SUGCT: variants seen among roughly 807,000 people sequenced by gnomAD.
SUGCT encodes the protein succinyl-CoA:glutarate CoA-transferase.
A neutral mutation model predicts 55.0 loss-of-function variants in SUGCT; 41 were observed. The ratio of observed to expected loss-of-function variants is 0.74; its 90% CI spans 0.58 to 0.97. The LOEUF is 0.97. SUGCT is among the 50% of genes least tolerant of loss of function. The probability of loss-of-function intolerance (pLI) is 0.00; values close to 1 mark genes in which losing one functional copy is unlikely to be tolerated. For missense variants in SUGCT, 568 were observed against 547.8 expected (o/e 1.04, Z -0.37); for synonymous variants, 187 against 200.4 (o/e 0.93, Z 0.56).
At chr7:40,195,956 C>T (rs373784685) in intron 6 of SUGCT, among the ~76,000 whole-genome samples, 1 of 151,582 alleles carries the variant, frequency 6.6e-6, no homozygotes, top group African/African-American at 2.4e-5. Flanking sequence ...TCAAGTGATC[C>T]ACCCACCTTG....
the SUGCT span, among the ~76,000 whole-genome samples, chr7:40,923,060 C>T: frequency 4.6e-5 from 7 of 152,104 alleles, no homozygotes; most frequent in South Asian, 2.1e-4. Flanking sequence ...TCAAGGCCAG[C>T]GCTTTCAAGA....
At chr7:40,160,535 A>G (rs1784095014) in intron 1 of SUGCT, among the ~76,000 whole-genome samples, 1 of 152,122 alleles carries the variant, frequency 6.6e-6, no homozygotes, top group South Asian at 2.1e-4. Flanking sequence ...AGATGAAATG[A>G]TTTTTTTAAA....
chr7:40,868,754 C>T, the SUGCT span, among the ~76,000 whole-genome samples: 3,715 of 152,262 alleles, frequency 0.024, 70 homozygotes, highest in Middle Eastern at 0.051. Flanking sequence ...ACTATGTTGG[C>T]CAGGCCAGTC....
intron 9 of SUGCT, among the ~76,000 whole-genome samples, chr7:40,421,044 T>G (rs1787281597): frequency 6.6e-6 from 1 of 152,172 alleles, no homozygotes; most frequent in South Asian, 2.1e-4. Flanking sequence ...TTGTTCCTGT[T>G]CCCATCCTGT....
At chr7:40,440,126 T>A (rs1788423889) in intron 9 of SUGCT, among the ~76,000 whole-genome samples, 1 of 143,834 alleles carries the variant, frequency 7.0e-6, no homozygotes, top group Admixed American at 7.2e-5. Context: ...TGAGTCAAGT[T>A]TTTTGTCTGT....
At chr7:41,030,711 A>G in the SUGCT span, among the ~76,000 whole-genome samples, 1 of 152,062 alleles carries the variant, frequency 6.6e-6, no homozygotes, top group South Asian at 2.1e-4. Context: ...GTATGCTGAC[A>G]TTTCTGTTTG....
chr7:40,800,480 C>T (rs556154294), intron 13 of SUGCT, among the ~76,000 whole-genome samples: 12 of 151,844 alleles, frequency 7.9e-5, no homozygotes, highest in South Asian at 2.1e-4. Context: ...TTAGTAGAGA[C>T]GGGGTTTTAC....
At chr7:40,426,443 T>C (rs1319980523) in intron 9 of SUGCT, among the ~76,000 whole-genome samples, 3 of 152,216 alleles carry the variant, frequency 2.0e-5, no homozygotes, top group African/African-American at 7.2e-5. Context: ...TTTAGAAAGA[T>C]GACTTATTCT....
At chr7:40,771,834 CTGAA>C (rs1366496971) in intron 13 of SUGCT, among the ~76,000 whole-genome samples, 4 of 152,110 alleles carry the variant, frequency 2.6e-5, no homozygotes, top group African/African-American at 9.7e-5. Context: ...CTGAGACTAA[CTGAA>C]TGAATGAGCA....
chr7:40,899,074 C>G, the SUGCT span, among the ~76,000 whole-genome samples: 1 of 152,128 alleles, frequency 6.6e-6, no homozygotes, highest in Non-Finnish European at 1.5e-5. Context: ...GTAGAACCCC[C>G]CAGAGCTCTG....
At chr7:40,365,375 C>G (rs1254582772) in intron 9 of SUGCT, among the ~76,000 whole-genome samples, 258 of 151,728 alleles carry the variant, frequency 1.7e-3, no homozygotes, top group African/African-American at 6.1e-3. Context: ...CCCTCTCTCA[C>G]CACTCCTATT....
At chr7:40,324,505 C>G (rs1795929797) in intron 9 of SUGCT, among the ~76,000 whole-genome samples, 1 of 152,030 alleles carries the variant, frequency 6.6e-6, no homozygotes, top group African/African-American at 2.4e-5. Flanking sequence ...ATCCACCTGC[C>G]TCGGCCTCCC....
the SUGCT span, among the ~76,000 whole-genome samples, chr7:40,952,364 G>T: frequency 6.6e-6 from 1 of 152,132 alleles, no homozygotes; most frequent in Non-Finnish European, 1.5e-5. Flanking sequence ...CATGAGATGG[G>T]TTTCCTGAAT....
chr7:41,003,949 T>C, the SUGCT span, among the ~76,000 whole-genome samples: 2 of 152,224 alleles, frequency 1.3e-5, no homozygotes, highest in Non-Finnish European at 2.9e-5. Context: ...TACGATATTC[T>C]GGAAAAGGTA....
chr7:40,910,734 A>C, the SUGCT span, among the ~76,000 whole-genome samples: 375 of 152,312 alleles, frequency 2.5e-3, 1 homozygote, highest in African/African-American at 8.6e-3. Context: ...GTTCCCCTTT[A>C]TGGAAAGCAG....
the SUGCT span, among the ~76,000 whole-genome samples, chr7:40,953,028 A>G: frequency 0.33 from 50,613 of 152,038 alleles, 9,147 homozygotes; most frequent in Admixed American, 0.45. Flanking sequence ...AGTTCTCTGG[A>G]TAATATCCTG....
At chr7:40,782,468 T>A (rs1272050966) in intron 13 of SUGCT, 1 of 152,174 alleles carries the variant, frequency 6.6e-6, no homozygotes, top group African/African-American at 2.4e-5. Context: ...TATAAGGAAG[T>A]TAGGTAGTAA....
intron 13 of SUGCT, among the ~76,000 whole-genome samples, chr7:40,807,048 A>G (rs573077995): frequency 6.6e-6 from 1 of 152,316 alleles, no homozygotes; most frequent in Non-Finnish European, 1.5e-5. Flanking sequence ...ACTTAACACA[A>G]TGTTCATTAC....
intron 9 of SUGCT, among the ~76,000 whole-genome samples, chr7:40,377,198 C>CTTT (rs376287161): frequency 6.0e-5 from 1 of 16,562 alleles, no homozygotes; most frequent in Non-Finnish European, 1.1e-4. Context: ...TTCTTTCTTT[C>CTTT]TTTTCTTTTC....
Sources: allele counts gnomAD v4.1 joint callset (sites outside exome capture counted in the v4.1 genomes callset), GRCh38; gene constraint gnomAD v4.1.1; transcripts MANE v1.5; gene names NCBI Gene and HGNC (gene_info 2026-07-23, HGNC 2026-07-21).